Variants in CNTNAP5 observed in about 807,000 individuals in gnomAD.
The protein encoded by CNTNAP5 is contactin-associated protein-like 5.
CNTNAP5 carries 72 observed loss-of-function variants against 150.2 expected under a neutral mutation model. That is an observed-to-expected ratio of 0.48 (90% confidence interval 0.40 to 0.58). The LOEUF is 0.58. Among genes scored for constraint, CNTNAP5 ranks in the 20% least tolerant of loss-of-function variants. The probability of loss-of-function intolerance (pLI) is 0.00; values close to 1 mark genes in which losing one functional copy is unlikely to be tolerated. For missense variants in CNTNAP5, 1,636 were observed against 1,626.2 expected, an observed-to-expected ratio of 1.01 and a Z score of -0.10; for synonymous variants, 672 against 619.8, an observed-to-expected ratio of 1.08 and a Z score of -1.25.
intron 1 of CNTNAP5, among the ~76,000 whole-genome samples, chr2:124,039,629 A>G (rs1278585668): frequency 6.6e-6 from 1 of 152,206 alleles, no homozygotes; most frequent in Non-Finnish European, 1.5e-5. Context: ...GATTCTGGTC[A>G]GAATATTAAT....
chr2:124,069,841 T>A (rs1682257080), intron 1 of CNTNAP5, among the ~76,000 whole-genome samples: 1 of 152,152 alleles, frequency 6.6e-6, no homozygotes, highest in Non-Finnish European at 1.5e-5. Context: ...TAAGAAATTA[T>A]TTGAGGTACA....
At chr2:124,733,771 G>C (rs914150775) in intron 13 of CNTNAP5, among the ~76,000 whole-genome samples, 9 of 152,170 alleles carry the variant, frequency 5.9e-5, no homozygotes, top group Non-Finnish European at 1.2e-4. Flanking sequence ...AACTAGTTGA[G>C]TGCATGTGTG....
intron 3 of CNTNAP5, among the ~76,000 whole-genome samples, chr2:124,325,273 C>T (rs1000913836): frequency 2.6e-5 from 4 of 152,222 alleles, no homozygotes; most frequent in South Asian, 2.1e-4. Context: ...GTCTTAATCT[C>T]GGAGTTTCCA....
intron 19 of CNTNAP5, among the ~76,000 whole-genome samples, chr2:124,848,108 A>G (rs1683086106): frequency 1.3e-5 from 2 of 152,140 alleles, no homozygotes; most frequent in Admixed American, 1.3e-4. Flanking sequence ...ATCTATCACC[A>G]CCCATGCTTT....
chr2:124,180,770 G>GC (rs71394027), intron 1 of CNTNAP5, among the ~76,000 whole-genome samples: 31,780 of 147,646 alleles, frequency 0.22, 3,721 homozygotes, highest in African/African-American at 0.29. Context: ...GGAAATGAAA[G>GC]CCCCCCCAAT....
intron 13 of CNTNAP5, among the ~76,000 whole-genome samples, chr2:124,673,904 A>G (rs905529543): frequency 1.1e-4 from 16 of 152,090 alleles, no homozygotes; most frequent in Non-Finnish European, 7.4e-5. Context: ...AAAATGTATA[A>G]TTTACTGTTT....
chr2:124,763,582 C>T, intron 14 of CNTNAP5, 90 bp from the exon 15 acceptor site: 1 of 1,332,958 alleles, frequency 7.5e-7, no homozygotes, highest in Non-Finnish European at 1.0e-6. Flanking sequence ...TGCAACTGGC[C>T]AAATCACTTC....
intron 3 of CNTNAP5, among the ~76,000 whole-genome samples, chr2:124,394,777 A>G (rs969469130): frequency 1.3e-5 from 2 of 152,158 alleles, no homozygotes; most frequent in Non-Finnish European, 2.9e-5. Context: ...ATTGCAGCCC[A>G]TCTGCTTTTC....
chr2:124,560,518 CAA>C (rs11285774), intron 10 of CNTNAP5, among the ~76,000 whole-genome samples: 2,272 of 126,892 alleles, frequency 0.018, 56 homozygotes, highest in African/African-American at 0.058. Flanking sequence ...GACTCCATTT[CAA>C]AAAAAAAAAA....
chr2:124,630,888 A>G (rs2105009031), intron 12 of CNTNAP5, among the ~76,000 whole-genome samples: 1 of 152,330 alleles, frequency 6.6e-6, no homozygotes, highest in East Asian at 1.9e-4. Context: ...TTGGGACACA[A>G]AATAAGTGTG....
intron 12 of CNTNAP5, among the ~76,000 whole-genome samples, chr2:124,626,331 G>A (rs1677721960): frequency 6.6e-6 from 1 of 152,100 alleles, no homozygotes; most frequent in Admixed American, 6.5e-5. Flanking sequence ...CCAGTGAGAC[G>A]AATGCAGAAC....
At chr2:124,266,612 G>A (rs1238981037) in intron 3 of CNTNAP5, among the ~76,000 whole-genome samples, 1 of 152,198 alleles carries the variant, frequency 6.6e-6, no homozygotes, top group Non-Finnish European at 1.5e-5. Context: ...CATGCAGGAG[G>A]AGTATTTTTC....
intron 17 of CNTNAP5, among the ~76,000 whole-genome samples, chr2:124,777,145 G>C (rs1166105142): frequency 1.4e-5 from 2 of 145,740 alleles, no homozygotes; most frequent in African/African-American, 5.3e-5. Flanking sequence ...TCTTTAGTGG[G>C]GAAAAAAAAA....
intron 11 of CNTNAP5, among the ~76,000 whole-genome samples, chr2:124,603,686 C>T (rs1298229310): frequency 1.3e-5 from 2 of 152,146 alleles, no homozygotes; most frequent in Non-Finnish European, 2.9e-5. Flanking sequence ...ATATTCAGGA[C>T]ATGACTTCAT....
intron 13 of CNTNAP5, among the ~76,000 whole-genome samples, chr2:124,687,523 A>G (rs1480406183): frequency 6.6e-6 from 1 of 152,002 alleles, no homozygotes; most frequent in Non-Finnish European, 1.5e-5. Context: ...TTCACACGGA[A>G]TTACATTTTT....
rs776065308 is a variant in CNTNAP5 at position 124,772,955 on chromosome 2, G to A, written c.2690G>A (p.Ser897Asn). 2 of 1,613,770 alleles carry A rather than the reference G, an allele frequency of 1.2e-6. No homozygotes were observed. Among genetic ancestry groups the A allele is most frequent in the African/African-American group, 2.7e-5 (2 of 75,044 alleles). ...TSLQVDNLPR[S>N]TRETSEEGHF... is the part of the protein sequence containing the mutation. ...CTGCAGGTGGACAACCTTCCAAGGA[G>A]CACCAGGGAGACGTCGGAGGAGGGC... The change falls in exon 17 of 24, where the codon AGC becomes AAC. Residue 897 changes from serine to asparagine, a missense_variant. Physicochemically the swap from Ser to Asn is conservative, Grantham distance 46 (BLOSUM62 1). Transcript: ENST00000682447.
At chr2:124,507,186 C>A (rs1207231365) in intron 8 of CNTNAP5, among the ~76,000 whole-genome samples, 1 of 152,096 alleles carries the variant, frequency 6.6e-6, no homozygotes, top group African/African-American at 2.4e-5. Flanking sequence ...GGGCCAGGCA[C>A]GGTGGCTCAC....
At chr2:124,813,505 G>A (rs529687564) in intron 19 of CNTNAP5, among the ~76,000 whole-genome samples, 2 of 151,258 alleles carry the variant, frequency 1.3e-5, no homozygotes, top group African/African-American at 2.4e-5. Flanking sequence ...TATATGCCTA[G>A]CTTGGGTAGA....
chr2:124,335,972 C>T (rs1172857118), intron 3 of CNTNAP5, among the ~76,000 whole-genome samples: 1 of 151,864 alleles, frequency 6.6e-6, no homozygotes, highest in South Asian at 2.1e-4. Context: ...GCTTAGGAGC[C>T]GTACAAAACA....
Sources: gnomAD v4.1 joint callset for allele counts (sites outside exome capture counted in the v4.1 genomes callset) on GRCh38, gnomAD v4.1.1 for gene constraint, MANE v1.5 for transcripts, NCBI Gene and HGNC (gene_info 2026-07-23, HGNC 2026-07-21) for gene names.